ARK2N: variants seen among roughly 807,000 people sequenced by gnomAD.
ARK2N encodes the protein protein ARK2N.
the ARK2N span, among the ~76,000 whole-genome samples, chr18:46,249,484 G>A: frequency 2.0e-5 from 3 of 151,190 alleles, no homozygotes; most frequent in African/African-American, 7.3e-5. Context: ...CACCCGCCTC[G>A]GCCTCCCAAA....
chr18:46,266,391 G>A, the ARK2N span: 1 of 152,644 alleles, frequency 6.6e-6, no homozygotes, highest in Non-Finnish European at 1.5e-5. Flanking sequence ...ATATAAAAAT[G>A]ATTGTGCCCT....
At chr18:46,203,602 C>G in the ARK2N span, among the ~76,000 whole-genome samples, 1 of 151,974 alleles carries the variant, frequency 6.6e-6, no homozygotes. Flanking sequence ...TCAAATTTTT[C>G]TTAAGGTTTT....
chr18:46,233,723 C>G, the ARK2N span, among the ~76,000 whole-genome samples: 2 of 152,202 alleles, frequency 1.3e-5, no homozygotes, highest in South Asian at 4.1e-4. Flanking sequence ...GTAACATTTA[C>G]CAGTATAAGG....
At chr18:46,209,641 G>A in the ARK2N span, among the ~76,000 whole-genome samples, 2 of 152,064 alleles carry the variant, frequency 1.3e-5, no homozygotes, top group African/African-American at 4.8e-5. Context: ...TGTCACTCAG[G>A]CTGGAGTGCA....
At chr18:46,175,709 G>A in the ARK2N span, among the ~76,000 whole-genome samples, 1 of 152,146 alleles carries the variant, frequency 6.6e-6, no homozygotes, top group Non-Finnish European at 1.5e-5. Flanking sequence ...TACCACGTTG[G>A]CCAAGCTGGT....
chr18:46,203,862 C>G, the ARK2N span, among the ~76,000 whole-genome samples: 1 of 152,168 alleles, frequency 6.6e-6, no homozygotes, highest in African/African-American at 2.4e-5. Flanking sequence ...ACTGGGATTA[C>G]AGGTGTGAGC....
At chr18:46,174,888 A>G in the ARK2N span, among the ~76,000 whole-genome samples, 2 of 152,144 alleles carry the variant, frequency 1.3e-5, no homozygotes, top group African/African-American at 2.4e-5. Flanking sequence ...GGAGGGAGAA[A>G]AGGCTTTCTT....
the ARK2N span, among the ~76,000 whole-genome samples, chr18:46,179,237 C>G: frequency 6.6e-6 from 1 of 152,084 alleles, no homozygotes; most frequent in Non-Finnish European, 1.5e-5. Flanking sequence ...GCCACTGAGC[C>G]CAGCCCAGTG....
At chr18:46,179,088 G>A in the ARK2N span, among the ~76,000 whole-genome samples, 18 of 150,148 alleles carry the variant, frequency 1.2e-4, no homozygotes, top group Non-Finnish European at 2.1e-4. Flanking sequence ...GATTACAGGC[G>A]CGTGCCACCA....
At chr18:46,222,840 A>G in the ARK2N span, among the ~76,000 whole-genome samples, 3 of 152,146 alleles carry the variant, frequency 2.0e-5, no homozygotes, top group Admixed American at 1.3e-4. Context: ...TAGAATGGAC[A>G]TTTGTTACAA....
chr18:46,216,767 G>A, the ARK2N span: 4 of 602,238 alleles, frequency 6.6e-6, no homozygotes, highest in Non-Finnish European at 1.1e-5. This position sits in a 1 kb window ranked among gnomAD's most constrained non-coding sequence, Gnocchi z 4.3. Flanking sequence ...CTGTTCTGAG[G>A]TTTCCAGTGA....
the ARK2N span, among the ~76,000 whole-genome samples, chr18:46,204,929 C>T: frequency 1.4e-5 from 2 of 145,680 alleles, no homozygotes. Flanking sequence ...TTTCTTTTTT[C>T]TTTTTTTTTT....
the ARK2N span, chr18:46,262,848 T>A: frequency 1.9e-5 from 27 of 1,386,598 alleles, no homozygotes; most frequent in Non-Finnish European, 2.7e-5. Context: ...AAAATGTTGA[T>A]AAGTACAACT....
chr18:46,182,373 T>C, the ARK2N span, among the ~76,000 whole-genome samples: 1 of 152,172 alleles, frequency 6.6e-6, no homozygotes, highest in Non-Finnish European at 1.5e-5. Context: ...TGGCATGTGG[T>C]TATCCATCTT....
chr18:46,223,134 G>A, the ARK2N span, among the ~76,000 whole-genome samples: 2 of 152,170 alleles, frequency 1.3e-5, no homozygotes, highest in African/African-American at 4.8e-5. Flanking sequence ...ATCTAAAGCA[G>A]ATCAAAGGAG....
the ARK2N span, among the ~76,000 whole-genome samples, chr18:46,178,745 T>G: frequency 3.4e-4 from 51 of 152,152 alleles, no homozygotes; most frequent in East Asian, 7.6e-3. Context: ...CAGAACCGTC[T>G]CTACAGAAAA....
chr18:46,200,066 TTG>T, the ARK2N span, among the ~76,000 whole-genome samples: 153 of 150,148 alleles, frequency 1.0e-3, 2 homozygotes, highest in South Asian at 3.6e-3. Flanking sequence ...AAATTCTTTA[TTG>T]TGTGTGTGTG....
chr18:46,240,457 A>G, the ARK2N span, among the ~76,000 whole-genome samples: 1 of 152,224 alleles, frequency 6.6e-6, no homozygotes, highest in Non-Finnish European at 1.5e-5. Flanking sequence ...TATTTCTTGG[A>G]TTAAAAATGC....
the ARK2N span, among the ~76,000 whole-genome samples, chr18:46,259,967 C>T: frequency 1.5e-3 from 200 of 133,432 alleles, 1 homozygote; most frequent in African/African-American, 4.1e-3. Context: ...GTGATCCTCC[C>T]GTCTCACCCT....
Sources: allele counts gnomAD v4.1 joint callset (sites outside exome capture counted in the v4.1 genomes callset), GRCh38; gene constraint gnomAD v4.1.1; non-coding constraint Gnocchi (gnomAD v3.1); transcripts MANE v1.5; gene names NCBI Gene and HGNC (gene_info 2026-07-23, HGNC 2026-07-21).